The following PKDCC variants were observed in gnomAD, a reference collection of about 807,000 sequenced individuals.
The protein encoded by PKDCC is protein kinase domain containing, cytoplasmic, also known as extracellular tyrosine-protein kinase PKDCC.
Under a neutral mutation model 44.7 loss-of-function variants are expected in PKDCC, and 35 were observed. The observed-to-expected ratio is 0.78, with a 90% CI of 0.60 to 1.04. The LOEUF is 1.04. Ranked by LOEUF, PKDCC falls within the 50% of genes least tolerant of loss-of-function variation. The probability of loss-of-function intolerance (pLI) is 0.00; values close to 1 mark genes in which losing one functional copy is unlikely to be tolerated. For missense variants in PKDCC, 738 were observed against 672.7 expected (o/e 1.10, Z -1.07); for synonymous variants, 353 against 303.3 (o/e 1.16, Z -1.70).
chr2:42,053,202 C>A (rs749585178), intron 1 of PKDCC, 37 bp from the exon 2 acceptor site: 6 of 1,456,174 alleles, frequency 4.1e-6, no homozygotes, highest in Non-Finnish European at 3.7e-6. Flanking sequence ...CCCACCCCCA[C>A]CCTGTGACCT....
chr2:42,055,651 C>T lies in PKDCC; in HGVS notation c.1222+258C>T, dbSNP rs78119664. The T allele has an allele frequency of 1.3e-5, 6 of 471,078 alleles. No homozygotes were observed. The highest frequency in any genetic ancestry group is 1.9e-5 in the Non-Finnish European group (5 of 260,116). 29.2% of individuals were successfully genotyped at this position (471,078 alleles called of 1,614,324 possible). ...TACCCCTACTCTGGATGGCTCCAAA[C>T]CCTATCATGTACTGGCTATATGACT... On this transcript the variant is annotated intron_variant, in intron 5 of 6. Transcript: ENST00000294964. The surrounding 1 kb of genome is among the most constrained non-coding windows in gnomAD (Gnocchi z 4.5).
chr2:42,049,572 C>T (rs976389480), intron 1 of PKDCC, among the ~76,000 whole-genome samples: 2 of 152,172 alleles, frequency 1.3e-5, no homozygotes, highest in African/African-American at 4.8e-5. Flanking sequence ...GTCACACTGT[C>T]TGAGTGTATA....
rs981415803 is a variant in PKDCC, at chr2:42,052,291, C to A, written c.640-948C>A. 2.0e-5 allele frequency among the ~76,000 whole-genome samples: 3 copies of A among 152,108 alleles called. No individual in the cohort carries two copies. The highest frequency in any genetic ancestry group is 2.9e-5 in the Non-Finnish European group (2 of 68,024). ...ACCTTGTTCTTATCAACACTTGTTA[C>A]CAGTCTAAGGGAACTTGCTTTTCCT... On this transcript the variant is annotated intron_variant, in intron 1 of 6. Coordinates refer to ENST00000294964, the MANE Select transcript of PKDCC (RefSeq NM_138370.3). This position sits in a 1 kb window ranked among gnomAD's most constrained non-coding sequence, Gnocchi z 4.3.
At position 42,054,806 on chromosome 2, in the gene PKDCC, CT is replaced by C. The variant is rs1668025908; in HGVS notation, c.1035-134del. The stretch of plus-strand genomic sequence containing the variant: ...CTCCCCCGAGGCTGAGTAGACTTCA[CT>C]GCGTTCTGCCTGGTTGCTAGGCCTG... On this transcript the variant is annotated intron_variant, in intron 3 of 6. Coordinates refer to ENST00000294964, the MANE Select transcript of PKDCC (RefSeq NM_138370.3). The surrounding 1 kb of genome is among the most constrained non-coding windows in gnomAD (Gnocchi z 6.1). 1 of 824,794 alleles carries C rather than the reference CT, an allele frequency of 1.2e-6. No homozygotes were observed. Among genetic ancestry groups the C allele is most frequent in the African/African-American group, 1.7e-5 (1 of 60,048 alleles). 51.1% of individuals were successfully genotyped at this position (824,794 alleles called of 1,614,324 possible).
rs960251467 is a variant in PKDCC at position 42,048,186 on chromosome 2, G to C, written c.-14G>C. On this transcript the variant is annotated 5_prime_UTR_variant, in exon 1 of 7. Transcript: ENST00000294964. The surrounding 1 kb of genome is among the most constrained non-coding windows in gnomAD (Gnocchi z 6.2). ...GGAGCCGCGCGGGGCCGGCCGGCCG[G>C]GGGGAGGGGAGCGATGCGGCGCCGG... The C allele has an allele frequency of 6.9e-5, 77 of 1,115,608 alleles. No homozygotes were observed. Among genetic ancestry groups the C allele is most frequent in the South Asian group, 1.6e-4 (5 of 31,340 alleles). 69.1% of individuals were successfully genotyped at this position (1,115,608 alleles called of 1,614,324 possible). A position where few individuals can be genotyped will look rare whatever the true frequency, so the allele number is the denominator to read the frequency against.
chr2:42,054,427 G>A lies in PKDCC; in HGVS notation c.1034+120G>A, dbSNP rs190942047. 369 of 1,243,438 alleles carry A rather than the reference G, an allele frequency of 3.0e-4. No individual in the cohort carries two copies. The highest frequency in any genetic ancestry group is 3.9e-4 in the Non-Finnish European group (351 of 899,130). The allele number at this position is 1,243,438 out of a possible 1,614,324, so 77.0% of individuals were successfully genotyped here. Reference sequence around the variant, plus strand: ...GGAGACTCAGCCTTGACCAGAGCAAGGGAAGGCTTCTACCCTGTCCAGAAG... The same window carrying A: ...GGAGACTCAGCCTTGACCAGAGCAAAGGAAGGCTTCTACCCTGTCCAGAAG... On this transcript the variant is annotated intron_variant, in intron 3 of 6. Transcript: ENST00000294964. The surrounding 1 kb of genome is among the most constrained non-coding windows in gnomAD (Gnocchi z 6.1).
Position 42,057,782 on chromosome 2 carries a change from C to T in PKDCC, c.*94C>T. The T allele has an allele frequency of 2.0e-6, 2 of 1,021,562 alleles. No homozygotes were observed. The highest frequency in any genetic ancestry group is 2.6e-5 in the East Asian group (1 of 38,992). The allele number at this position is 1,021,562 out of a possible 1,614,324, so 63.3% of individuals were successfully genotyped here. A position where few individuals can be genotyped will look rare whatever the true frequency, so the allele number is the denominator to read the frequency against. Reference sequence around the variant, plus strand: ...TTGCACTGGCAGCACTGCATGTCACCTGGGAACCCCTGCAGACAAAGCTAA... The same window carrying T: ...TTGCACTGGCAGCACTGCATGTCACTTGGGAACCCCTGCAGACAAAGCTAA... On this transcript the variant is annotated 3_prime_UTR_variant, in exon 7 of 7. Coordinates refer to ENST00000294964, the MANE Select transcript of PKDCC (RefSeq NM_138370.3).
rs1667957955 is a variant in PKDCC at position 42,051,040 on chromosome 2, G to C, written c.640-2199G>C. Among the ~76,000 whole-genome samples the C allele has an allele frequency of 6.6e-6, 1 of 152,254 alleles. No individual in the cohort carries two copies. The highest frequency in any genetic ancestry group is 2.4e-5 in the African/African-American group (1 of 41,540). On this transcript the variant is annotated intron_variant, in intron 1 of 6. Transcript: ENST00000294964. This position sits in a 1 kb window ranked among gnomAD's most constrained non-coding sequence, Gnocchi z 4.2. ...TGTTTGCTGAACTGGGGAGGAGTTA[G>C]AGAACATTTCTAGAGTTCCTAGTGG...
In PKDCC at chr2:42,052,230, C is replaced by T. The variant is rs1005233798; in HGVS notation, c.640-1009C>T. 1.3e-5 allele frequency among the ~76,000 whole-genome samples: 2 copies of T among 152,174 alleles called. No homozygotes were observed. The highest frequency in any genetic ancestry group is 6.5e-5 in the Admixed American group (1 of 15,276). ...ACCACCCCCACTGATACACATCACT[C>T]ATATGCAAAACACACCTGGGGATGT... is the stretch of plus-strand genomic sequence containing the variant. On this transcript the variant is annotated intron_variant, in intron 1 of 6. Transcript: ENST00000294964. This position sits in a 1 kb window ranked among gnomAD's most constrained non-coding sequence, Gnocchi z 4.3.
At position 42,057,694 on chromosome 2, in the gene PKDCC, C is replaced by T. The variant is rs765286526; in HGVS notation, c.*6C>T. Reference sequence around the variant, plus strand: ...ATGTGAAGGCCTCTGGCTGACCTATCTGAGGGCTCGGCTGACCAGCTGACT... The same window carrying T: ...ATGTGAAGGCCTCTGGCTGACCTATTTGAGGGCTCGGCTGACCAGCTGACT... On this transcript the variant is annotated 3_prime_UTR_variant, in exon 7 of 7. Transcript: ENST00000294964. 1 of 1,613,040 alleles carries T rather than the reference C, an allele frequency of 6.2e-7. No individual in the cohort carries two copies. Among genetic ancestry groups the T allele is most frequent in the African/African-American group, 1.3e-5 (1 of 74,918 alleles).
rs1043762662 is a variant in PKDCC, at chr2:42,051,529, A to G, written c.640-1710A>G. On this transcript the variant is annotated intron_variant, in intron 1 of 6. Transcript: ENST00000294964. The surrounding 1 kb of genome is among the most constrained non-coding windows in gnomAD (Gnocchi z 4.2). ...TTTTATTTTTTCCTGAGGGGTGTTG[A>G]TTAATACCTCGTTAACAGCGCATTT... is the stretch of plus-strand genomic sequence containing the variant. Among the ~76,000 whole-genome samples the G allele has an allele frequency of 1.3e-5, 2 of 152,018 alleles. No homozygotes were observed. Among genetic ancestry groups the G allele is most frequent in the African/African-American group, 4.8e-5 (2 of 41,354 alleles).
intron 6 of PKDCC, 96 bp downstream of exon 6, chr2:42,057,490 G>A: frequency 6.4e-7 from 1 of 1,559,454 alleles, no homozygotes; most frequent in Non-Finnish European, 8.8e-7. Context: ...AGGGGGTGCT[G>A]AGGTGATGAG....
chr2:42,048,612 T>G lies in PKDCC; in HGVS notation c.413T>G (p.Val138Gly). 6.6e-7 allele frequency: 1 copy of G among 1,514,728 alleles called. No individual in the cohort carries two copies. The highest frequency in any genetic ancestry group is 1.2e-5 in the South Asian group (1 of 80,612). The allele number at this position is 1,514,728 out of a possible 1,614,324, so 93.8% of individuals were successfully genotyped here. A position where few individuals can be genotyped will look rare whatever the true frequency, so the allele number is the denominator to read the frequency against. ...CTGGGCTGCGCCGCGCTTCGCAACG[T>G]GTCCGGCGCGCAGTACATGGGCTCA... Reference protein sequence around the residue: ...PRLGCAALRNVSGAQYMGSGY... With the variant: ...PRLGCAALRNGSGAQYMGSGY... The change falls in exon 1 of 7, where the codon GTG becomes GGG. Residue 138 changes from valine to glycine, a missense_variant. Coordinates refer to ENST00000294964, the MANE Select transcript of PKDCC (RefSeq NM_138370.3). This position sits in a 1 kb window ranked among gnomAD's most constrained non-coding sequence, Gnocchi z 6.2.
chr2:42,049,767 C>G (rs1398258628), intron 1 of PKDCC, among the ~76,000 whole-genome samples: 2 of 152,198 alleles, frequency 1.3e-5, no homozygotes, highest in Admixed American at 6.5e-5. Context: ...CACGTCCTCT[C>G]TCTCAGGTCT....
intron 2 of PKDCC, 134 bp from the exon 3 acceptor site, chr2:42,053,902 G>A: frequency 1.8e-6 from 2 of 1,113,872 alleles, no homozygotes; most frequent in Non-Finnish European, 2.5e-6. Flanking sequence ...CCTTTGTGGA[G>A]CCCTGGGGCC....
intron 1 of PKDCC, among the ~76,000 whole-genome samples, chr2:42,049,579 T>G (rs1051249929): frequency 5.9e-5 from 9 of 152,048 alleles, no homozygotes; most frequent in Non-Finnish European, 1.0e-4. Context: ...TGTCTGAGTG[T>G]ATATAGATAG....
chr2:42,054,002 A>G lies in PKDCC; in HGVS notation c.763-34A>G. 2.5e-6 allele frequency: 4 copies of G among 1,592,478 alleles called. No homozygotes were observed. Among genetic ancestry groups the G allele is most frequent in the Non-Finnish European group, 3.4e-6 (4 of 1,167,574 alleles). On this transcript the variant is annotated intron_variant, in intron 2 of 6. Coordinates refer to ENST00000294964, the MANE Select transcript of PKDCC (RefSeq NM_138370.3). The surrounding 1 kb of genome is among the most constrained non-coding windows in gnomAD (Gnocchi z 6.1). ...TCCCACAGACCCCCAACCCAGGAGA[A>G]AAGCAGTGAGCAGTCTTTTCTTGTG...
At chr2:42,053,134 G>T (rs1667995645) in intron 1 of PKDCC, 105 bp from the exon 2 acceptor site, 2 of 1,307,246 alleles carry the variant, frequency 1.5e-6, no homozygotes, top group African/African-American at 1.5e-5. Context: ...TGAAGCAAAG[G>T]CCTGGGGATG....
rs1425945802 is a variant in PKDCC, at chr2:42,057,211, C to T, written c.1223-10C>T. ...CAGAATTCTCATTTTACTCCATCCC[C>T]AACCCACAGAGTACCAGTGTATCCC... is the stretch of plus-strand genomic sequence containing the variant. On this transcript the variant is annotated splice_polypyrimidine_tract_variant and intron_variant, in intron 5 of 6. Coordinates refer to ENST00000294964, the MANE Select transcript of PKDCC (RefSeq NM_138370.3). 3 of 1,613,676 alleles carry T rather than the reference C, an allele frequency of 1.9e-6. No homozygotes were observed. Among genetic ancestry groups the T allele is most frequent in the Non-Finnish European group, 2.5e-6 (3 of 1,179,738 alleles).
Sources: gnomAD v4.1 joint callset for allele counts (sites outside exome capture counted in the v4.1 genomes callset) on GRCh38, gnomAD v4.1.1 for gene constraint, Gnocchi (gnomAD v3.1) non-coding constraint, MANE v1.5 for transcripts, NCBI Gene and HGNC (gene_info 2026-07-23, HGNC 2026-07-21) for gene names.